The following CASZ1 variants were observed in gnomAD, a reference collection of about 807,000 sequenced individuals.
CASZ1 encodes the protein castor zinc finger 1, also known as zinc finger protein castor homolog 1.
CASZ1 carries 28 observed loss-of-function variants against 135.2 expected under a neutral mutation model. That is an observed-to-expected ratio of 0.21 (90% CI 0.15 to 0.28). CASZ1 has a LOEUF of 0.28. Ranked by LOEUF, CASZ1 falls within the 10% of genes least tolerant of loss-of-function variation. The pLI is 1.00. For missense variants in CASZ1, 2,161 were observed against 2,453.3 expected (o/e 0.88, Z 2.52); for synonymous variants, 1,068 against 1,073.4 (o/e 0.99, Z 0.10).
At chr1:10,678,881 G>A (rs941072990) in intron 4 of CASZ1, among the ~76,000 whole-genome samples, 1 of 151,962 alleles carries the variant, frequency 6.6e-6, no homozygotes, top group Non-Finnish European at 1.5e-5. Context: ...TCCTGCCATC[G>A]CAAAATTAGA....
chr1:10,660,360 C>A lies in CASZ1; in HGVS notation c.682G>T (p.Asp228Tyr). 1 of 1,614,172 alleles carries A rather than the reference C, an allele frequency of 6.2e-7. No individual in the cohort carries two copies. The highest frequency in any genetic ancestry group is 8.5e-7 in the Non-Finnish European group (1 of 1,180,024). ...ATSSMLPTSE[D>Y]TLSKRARFSK... is the part of the protein sequence containing the mutation. ...AACCGCGCCCGCTTGCTGAGGGTAT[C>A]CTCGGAGGTGGGCAGCATGGAGGAG... The change falls in exon 6 of 21, where the codon GAT (aspartate) becomes TAT (tyrosine). Residue 228 changes from aspartate to tyrosine, a missense_variant. Physicochemically the swap from Asp to Tyr is radical, Grantham distance 160. Coordinates refer to ENST00000377022, the MANE Select transcript of CASZ1 (RefSeq NM_001079843.3).
rs982587325 is a variant in CASZ1 at position 10,666,559 on chromosome 1, G to A, written c.17-988C>T. 2.6e-5 allele frequency among the ~76,000 whole-genome samples: 4 copies of A among 152,196 alleles called. No individual in the cohort carries two copies. The highest frequency in any genetic ancestry group is 9.6e-5 in the African/African-American group (4 of 41,452). ...GGGTGGGATCGCTTAGGTCCCTCAC[G>A]GAACGCCCCGAAGCGCCGGTCACAG... On this transcript the variant is annotated intron_variant, in intron 4 of 20. Coordinates refer to ENST00000377022, the MANE Select transcript of CASZ1 (RefSeq NM_001079843.3). This position sits in a 1 kb window ranked among gnomAD's most constrained non-coding sequence, Gnocchi z 5.2.
chr1:10,774,621 C>T lies in CASZ1; in HGVS notation c.-233-13764G>A, dbSNP rs1302767146. ...GAGCATTTTTCTGCTCTATTAACAACCACACAGAGCTCTGGCCCCACTGCT... is the reference window on the plus strand; with the variant it reads ...GAGCATTTTTCTGCTCTATTAACAATCACACAGAGCTCTGGCCCCACTGCT... On this transcript the variant is annotated intron_variant, in intron 1 of 20. Transcript: ENST00000377022. The surrounding 1 kb of genome is among the most constrained non-coding windows in gnomAD (Gnocchi z 4.4). 2.0e-5 allele frequency among the ~76,000 whole-genome samples: 3 copies of T among 152,184 alleles called. No individual in the cohort carries two copies. Among genetic ancestry groups the T allele is most frequent in the African/African-American group, 7.2e-5 (3 of 41,442 alleles).
At chr1:10,642,158 A>T in intron 20 of CASZ1, 1 of 126,662 alleles carries the variant, frequency 7.9e-6, no homozygotes, top group South Asian at 3.1e-4. Flanking sequence ...AGCAGAGAGT[A>T]TGAGAGACAG....
At position 10,639,404 on chromosome 1, in the gene CASZ1, C is replaced by G; in HGVS notation, c.4818G>C (p.Glu1606Asp). 1 of 1,550,030 alleles carries G rather than the reference C, an allele frequency of 6.5e-7. No individual in the cohort carries two copies. The highest frequency in any genetic ancestry group is 1.4e-5 in the African/African-American group (1 of 73,342). ...TGATGGGAGGCCCGGGCGCGGGGCC[C>G]TCTGCCGCGGGCTCGCCGCGCTCCT... Reference protein sequence around the residue: ...EKQERGEPAAEGPAPGPPISL... With the variant: ...EKQERGEPAADGPAPGPPISL... Residue 1606 changes from glutamate to aspartate, a missense_variant, in exon 21 of 21, where the codon GAG (glutamate) becomes GAC (aspartate). Glu to Asp is a conservative substitution (Grantham distance 45). Coordinates refer to ENST00000377022, the MANE Select transcript of CASZ1 (RefSeq NM_001079843.3). The surrounding 1 kb of genome is among the most constrained non-coding windows in gnomAD (Gnocchi z 4.0).
Position 10,657,996 on chromosome 1 carries a change from CTT to C in CASZ1, c.1409+510_1409+511del, listed in dbSNP as rs1194066214. Reference sequence around the variant, plus strand: ...ACCTTCTCTCTCGCTTTCTCTCTCTCTTTTTTTTTTTTTTTTTAAAGAGATAG... The same window carrying C: ...ACCTTCTCTCTCGCTTTCTCTCTCTCTTTTTTTTTTTTTTTAAAGAGATAG... On this transcript the variant is annotated intron_variant, in intron 7 of 20. Transcript: ENST00000377022. This position sits in a 1 kb window ranked among gnomAD's most constrained non-coding sequence, Gnocchi z 5.7. The C allele has an allele frequency of 4.6e-4, 58 of 126,080 alleles. No individual in the cohort carries two copies. Among genetic ancestry groups the C allele is most frequent in the Admixed American group, 9.4e-4 (12 of 12,700 alleles). The allele number at this position is 126,080 out of a possible 1,614,324, so 7.8% of individuals were successfully genotyped here. A position where few individuals can be genotyped will look rare whatever the true frequency, so the allele number is the denominator to read the frequency against.
At chr1:10,693,852 C>T in intron 4 of CASZ1, 22 bp downstream of exon 4, 4 of 1,611,876 alleles carry the variant, frequency 2.5e-6, no homozygotes, top group African/African-American at 2.7e-5. Context: ...AGAGCCGCCC[C>T]TGCGTTCCCA....
intron 17 of CASZ1, 148 bp downstream of exon 17, chr1:10,645,980 G>T: frequency 1.3e-6 from 1 of 778,974 alleles, no homozygotes; most frequent in Non-Finnish European, 2.1e-6. Context: ...GGCAGATGGT[G>T]CTCTTTCCAG....
rs532583284 is a variant in CASZ1, at chr1:10,717,884, G to A, written c.-76-12340C>T. 6.7e-4 allele frequency among the ~76,000 whole-genome samples: 102 copies of A among 152,368 alleles called. 1 individual carries two copies. The highest frequency in any genetic ancestry group is 2.3e-3 in the African/African-American group (95 of 41,568). ...CAGCCATCAGTGGGAGGAAGAGTCCGGGCAGGCTGGTGGGCCTTTAAGGCT... is the reference window on the plus strand; with the variant it reads ...CAGCCATCAGTGGGAGGAAGAGTCCAGGCAGGCTGGTGGGCCTTTAAGGCT... On this transcript the variant is annotated intron_variant, in intron 2 of 20. Transcript: ENST00000377022. The surrounding 1 kb of genome is among the most constrained non-coding windows in gnomAD (Gnocchi z 4.6).
intron 2 of CASZ1, among the ~76,000 whole-genome samples, chr1:10,718,274 C>G (rs537752194): frequency 6.6e-6 from 1 of 152,276 alleles, no homozygotes; most frequent in Non-Finnish European, 1.5e-5. Flanking sequence ...CCTGTGTCCC[C>G]GTGCCCACTC....
intron 4 of CASZ1, among the ~76,000 whole-genome samples, chr1:10,690,070 G>A (rs555786125): frequency 6.6e-6 from 1 of 152,356 alleles, no homozygotes; most frequent in East Asian, 1.9e-4. Flanking sequence ...GACTGGTTGA[G>A]TGGGTGTATC....
intron 2 of CASZ1, among the ~76,000 whole-genome samples, chr1:10,723,050 A>G (rs1467428788): frequency 6.6e-6 from 1 of 152,268 alleles, no homozygotes; most frequent in Non-Finnish European, 1.5e-5. Flanking sequence ...GCGTGGGTGC[A>G]GACGGGAGGT....
intron 4 of CASZ1, among the ~76,000 whole-genome samples, chr1:10,686,120 C>A (rs890684106): frequency 2.6e-5 from 4 of 152,140 alleles, no homozygotes; most frequent in Admixed American, 6.5e-5. Flanking sequence ...GGCCCCCCAC[C>A]CAGCACGGGG....
At chr1:10,784,688 T>C (rs1640824073) in intron 1 of CASZ1, among the ~76,000 whole-genome samples, 1 of 152,148 alleles carries the variant, frequency 6.6e-6, no homozygotes, top group Admixed American at 6.5e-5. Flanking sequence ...CTCAGCCTCC[T>C]GAGTAGCTGG....
intron 2 of CASZ1, among the ~76,000 whole-genome samples, chr1:10,731,946 G>A (rs958510121): frequency 2.0e-5 from 3 of 152,094 alleles, no homozygotes; most frequent in African/African-American, 7.2e-5. Context: ...TGGACTTATT[G>A]CTGTTATTTT....
At chr1:10,748,583 C>T (rs1352037490) in intron 2 of CASZ1, among the ~76,000 whole-genome samples, 3 of 152,164 alleles carry the variant, frequency 2.0e-5, no homozygotes, top group African/African-American at 7.2e-5. Context: ...CTCAGGTCAG[C>T]CTGGTTCCAG....
rs1353037655 is a variant in CASZ1, at chr1:10,725,392, G to A, written c.-76-19848C>T. 1.4e-5 allele frequency among the ~76,000 whole-genome samples: 2 copies of A among 145,266 alleles called. No individual in the cohort carries two copies. The highest frequency in any genetic ancestry group is 3.0e-5 in the Non-Finnish European group (2 of 65,646). ...GCTCCTCTCAAGTACTGAGCCATAT[G>A]GTTCCAGTTAAGCTCCATATTTTTC... On this transcript the variant is annotated intron_variant, in intron 2 of 20. Coordinates refer to ENST00000377022, the MANE Select transcript of CASZ1 (RefSeq NM_001079843.3). The surrounding 1 kb of genome is among the most constrained non-coding windows in gnomAD (Gnocchi z 4.4).
At chr1:10,773,527 C>T (rs984826707) in intron 1 of CASZ1, among the ~76,000 whole-genome samples, 4 of 151,996 alleles carry the variant, frequency 2.6e-5, no homozygotes, top group Non-Finnish European at 2.9e-5. Context: ...GCGGGGGTTC[C>T]GAATCCTCAG....
In CASZ1 at chr1:10,660,320, T is replaced by A; in HGVS notation, c.722A>T (p.Glu241Val). 1 of 1,614,108 alleles carries A rather than the reference T, an allele frequency of 6.2e-7. No individual in the cohort carries two copies. The highest frequency in any genetic ancestry group is 8.5e-7 in the Non-Finnish European group (1 of 1,180,020). ...SKRARFSKYE[E>V]YIRKLKAGEQ... ...GCCAGCCTTGAGCTTGCGGATGTAC[T>A]CCTCATACTTAGAGAACCGCGCCCG... Residue 241 changes from glutamate (E) to valine (V), a missense_variant, in exon 6 of 21, where the codon GAG (glutamate) becomes GTG (valine). Glu to Val is a moderately radical substitution (Grantham distance 121). Around this residue, in one of 7 missense-constraint regions of CASZ1, gnomAD observed 590 missense variants for 609.8 expected, o/e 0.97. Coordinates refer to ENST00000377022, the MANE Select transcript of CASZ1 (RefSeq NM_001079843.3).
Sources: gnomAD v4.1 joint callset for allele counts (sites outside exome capture counted in the v4.1 genomes callset) on GRCh38, gnomAD v4.1.1 for gene constraint, gnomAD v4.1.1 regional missense constraint, Gnocchi (gnomAD v3.1) non-coding constraint, MANE v1.5 for transcripts, NCBI Gene and HGNC (gene_info 2026-07-23, HGNC 2026-07-21) for gene names.